SLX4: variants seen among roughly 807,000 people sequenced by gnomAD.
The protein encoded by SLX4 is structure-specific endonuclease subunit SLX4.
In SLX4, 112 loss-of-function variants were observed where a neutral mutation model predicts 146.2. The ratio of observed to expected loss-of-function variants is 0.77; its 90% CI spans 0.66 to 0.90. SLX4 has a LOEUF of 0.90. Among genes scored for constraint, SLX4 ranks in the 40% least tolerant of loss-of-function variants. The pLI is 0.00. For synonymous variants in SLX4, 1,061 were observed against 997.7 expected (o/e 1.06, Z -1.20); for missense variants, 2,563 against 2,392.7 (o/e 1.07, Z -1.49).
At position 3,597,242 on chromosome 16, in the gene SLX4, G is replaced by A. The variant is rs2040670980; in HGVS notation, c.1683+137C>T. 1.1e-6 allele frequency: 1 copy of A among 933,990 alleles called. No homozygotes were observed. Among genetic ancestry groups the A allele is most frequent in the Non-Finnish European group, 1.6e-6 (1 of 640,476 alleles). 57.9% of individuals were successfully genotyped at this position (933,990 alleles called of 1,614,324 possible). On this transcript the variant is annotated intron_variant, in intron 7 of 14. Coordinates refer to ENST00000294008, the MANE Select transcript of SLX4 (RefSeq NM_032444.4). The surrounding 1 kb of genome is among the most constrained non-coding windows in gnomAD (Gnocchi z 4.4). ...GAGAAGAAAGCTGCAGCCACCAAGT[G>A]CCCCTCTGGCCTCCTCCCGCCTCTG... is the stretch of plus-strand genomic sequence containing the variant.
intron 12 of SLX4, among the ~76,000 whole-genome samples, chr16:3,586,132 T>C (rs1256879424): frequency 6.6e-6 from 1 of 152,170 alleles, no homozygotes; most frequent in Non-Finnish European, 1.5e-5. Context: ...GACCCAGCAA[T>C]TCCACTCCTA....
intron 10 of SLX4, 21 bp downstream of exon 10, chr16:3,594,432 C>G: frequency 3.1e-6 from 5 of 1,606,086 alleles, no homozygotes; most frequent in Non-Finnish European, 4.2e-6. Context: ...AAGGAGGGCA[C>G]ACGGCAGCCC....
chr16:3,600,854 C>T, intron 5 of SLX4, 125 bp downstream of exon 5: 1 of 1,056,758 alleles, frequency 9.5e-7, no homozygotes, highest in Non-Finnish European at 1.4e-6. Flanking sequence ...CCTTGGCCTC[C>T]CAAAGTGCTG....
At position 3,601,117 on chromosome 16, in the gene SLX4, G is replaced by C. The variant is rs564092523; in HGVS notation, c.1025C>G (p.Pro342Arg). 3.1e-6 allele frequency: 5 copies of C among 1,613,978 alleles called. No individual in the cohort carries two copies. In the South Asian group the frequency reaches 5.5e-5, roughly 18 times the overall value. The change falls in exon 5 of 15, where the codon CCG becomes CGG. Residue 342 changes from proline to arginine, a missense_variant. Physicochemically the swap from Pro to Arg is moderately radical, Grantham distance 103. Transcript: ENST00000294008. ...QIPECPICGKPFLTLKSRTSH... is the reference protein window; with the variant it reads ...QIPECPICGKRFLTLKSRTSH... ...GGTTCTGCTCTTTAAGGTAAGAAAC[G>C]GTTTCCCACAAATCGGGCACTCAGG...
At position 3,589,271 on chromosome 16, in the gene SLX4, C is replaced by G. The variant is rs774858804; in HGVS notation, c.4367G>C (p.Arg1456Pro). ...GCTGTCGGCGGCCTCGTTCATCCTGCGGCTGGGGCTGCTGGTGCTCAGGGG... is the reference window on the plus strand; with the variant it reads ...GCTGTCGGCGGCCTCGTTCATCCTGGGGCTGGGGCTGCTGGTGCTCAGGGG... The part of the protein sequence containing the change: ...TGPLSTSSPS[R>P]RMNEAADSRD... Residue 1456 changes from arginine (R) to proline (P), a missense_variant, in exon 12 of 15, where the codon CGC becomes CCC. By Grantham distance (103) the Arg-to-Pro change is moderately radical (BLOSUM62 -2). Coordinates refer to ENST00000294008, the MANE Select transcript of SLX4 (RefSeq NM_032444.4). This position sits in a 1 kb window ranked among gnomAD's most constrained non-coding sequence, Gnocchi z 6.2. 1.3e-6 allele frequency: 2 copies of G among 1,598,392 alleles called. No individual in the cohort carries two copies. Among genetic ancestry groups the G allele is most frequent in the Non-Finnish European group, 1.7e-6 (2 of 1,170,720 alleles).
Position 3,596,518 on chromosome 16 carries a change from GACAGACTGTCCCC to G in SLX4, c.1684-138_1684-126del, listed in dbSNP as rs2040661594. ...TACAGAGCAGGATGTGGGCTGTGGG[GACAGACTGTCCCC>G]GGGGCTCCAGCCACAGCCTGGAGCA... On this transcript the variant is annotated intron_variant, in intron 7 of 14. Transcript: ENST00000294008. 4.1e-6 allele frequency: 5 copies of G among 1,216,658 alleles called. No individual in the cohort carries two copies. The South Asian group carries it at 7.8e-5, about 19-fold the overall frequency. 75.4% of individuals were successfully genotyped at this position (1,216,658 alleles called of 1,614,324 possible).
intron 8 of SLX4, 72 bp downstream of exon 8, chr16:3,596,081 G>A: frequency 6.6e-7 from 1 of 1,516,476 alleles, no homozygotes; most frequent in Non-Finnish European, 8.8e-7. Flanking sequence ...GCCAGTCCAT[G>A]GCAGCCTCAG....
chr16:3,587,478 C>T (rs935605955), intron 12 of SLX4, among the ~76,000 whole-genome samples: 1 of 152,160 alleles, frequency 6.6e-6, no homozygotes, highest in African/African-American at 2.4e-5. Flanking sequence ...CCTGGTGACA[C>T]ATTGGAAACA....
At chr16:3,603,179 G>C (rs1287344975) in intron 3 of SLX4, among the ~76,000 whole-genome samples, 1 of 152,126 alleles carries the variant, frequency 6.6e-6, no homozygotes, top group East Asian at 1.9e-4. Context: ...TCAGCCTCCT[G>C]AGTAGCTGGG....
At chr16:3,596,600 C>T (rs1328851681) in intron 7 of SLX4, among the ~76,000 whole-genome samples, 1 of 152,234 alleles carries the variant, frequency 6.6e-6, no homozygotes, top group Non-Finnish European at 1.5e-5. Context: ...ACATGCTCCT[C>T]CTCTGTCACG....
intron 12 of SLX4, among the ~76,000 whole-genome samples, chr16:3,587,975 C>CT (rs1430032869): frequency 6.6e-6 from 1 of 152,196 alleles, no homozygotes; most frequent in African/African-American, 2.4e-5. Flanking sequence ...GGCTCTGACT[C>CT]TCCCCGGGGA....
chr16:3,592,641 A>G, intron 11 of SLX4, 58 bp downstream of exon 11: 1 of 1,571,848 alleles, frequency 6.4e-7, no homozygotes. Flanking sequence ...AACCCTCCAG[A>G]GCTGTTAACC....
intron 10 of SLX4, among the ~76,000 whole-genome samples, chr16:3,593,950 G>C (rs58360168): frequency 0.063 from 9,618 of 152,132 alleles, 320 homozygotes; most frequent in Admixed American, 0.073. Flanking sequence ...CAGCTCATTG[G>C]AAGCTCCGCC....
At chr16:3,611,376 C>G (rs1269540889) in intron 1 of SLX4, among the ~76,000 whole-genome samples, 184 bp downstream of exon 1, 1 of 152,264 alleles carries the variant, frequency 6.6e-6, no homozygotes, top group Non-Finnish European at 1.5e-5. Context: ...GGCCCCGGCC[C>G]CTCTCCACCC....
intron 10 of SLX4, 44 bp downstream of exon 10, chr16:3,594,409 G>A: frequency 6.3e-7 from 1 of 1,588,642 alleles, no homozygotes; most frequent in Non-Finnish European, 8.6e-7. Flanking sequence ...GGAGGAGAGA[G>A]GGAGAGAGAG....
Position 3,597,923 on chromosome 16 carries a change from C to G in SLX4, c.1240G>C (p.Asp414His), listed in dbSNP as rs1340925672. Reference protein sequence around the residue: ...KKEPRKRRKVDEAPSEDLLVA... With the variant: ...KKEPRKRRKVHEAPSEDLLVA... ...AGCAGGTCCTCGGACGGTGCCTCGT[C>G]CACCTTCCGCCTCTTCCGTGGCTCC... The change falls in exon 6 of 15, where the codon GAC becomes CAC. Residue 414 changes from aspartate (D) to histidine (H), a missense_variant. Asp to His is a moderately conservative substitution (Grantham distance 81). Transcript: ENST00000294008. This position sits in a 1 kb window ranked among gnomAD's most constrained non-coding sequence, Gnocchi z 4.4. The G allele has an allele frequency of 1.2e-6, 2 of 1,614,166 alleles. No homozygotes were observed. Among genetic ancestry groups the G allele is most frequent in the Non-Finnish European group, 8.5e-7 (1 of 1,180,048 alleles).
At position 3,596,216 on chromosome 16, in the gene SLX4, C is replaced by T; in HGVS notation, c.1861G>A (p.Glu621Lys). ...ALQDLVDLAR[E>K]GLSASPWPGS... ...GGCCACGGGCTGGCGCTCAGTCCCT[C>T]CCTCGCCAGGTCCACGAGGTCCTGC... Residue 621 changes from glutamate (E) to lysine (K), a missense_variant, in exon 8 of 15, where the codon GAG becomes AAG. Glu to Lys is a moderately conservative substitution (Grantham distance 56). Coordinates refer to ENST00000294008, the MANE Select transcript of SLX4 (RefSeq NM_032444.4). The T allele has an allele frequency of 6.4e-7, 1 of 1,550,948 alleles. No individual in the cohort carries two copies. Among genetic ancestry groups the T allele is most frequent in the Non-Finnish European group, 8.7e-7 (1 of 1,149,490 alleles).
intron 12 of SLX4, among the ~76,000 whole-genome samples, chr16:3,586,531 C>G (rs935328354): frequency 2.0e-5 from 3 of 151,946 alleles, no homozygotes; most frequent in Non-Finnish European, 4.4e-5. Flanking sequence ...CAAAAACAGG[C>G]CAGGCACAGT....
Position 3,601,078 on chromosome 16 carries a change from T to A in SLX4, c.1064A>T (p.Gln355Leu). ...GCCAACCTCCATCTTCACAGCACAC[T>A]GCTTCAAGTGACTGGTTCTGCTCTT... is the stretch of plus-strand genomic sequence containing the variant. ...TLKSRTSHLK[Q>L]CAVKMEVGPQ... The change falls in exon 5 of 15, where the codon CAG becomes CTG. Residue 355 changes from glutamine to leucine, a missense_variant. Coordinates refer to ENST00000294008, the MANE Select transcript of SLX4 (RefSeq NM_032444.4). 6.2e-7 allele frequency: 1 copy of A among 1,614,136 alleles called. No homozygotes were observed. The highest frequency in any genetic ancestry group is 8.5e-7 in the Non-Finnish European group (1 of 1,180,020).
Sources: allele counts gnomAD v4.1 joint callset (sites outside exome capture counted in the v4.1 genomes callset), GRCh38; gene constraint gnomAD v4.1.1; non-coding constraint Gnocchi (gnomAD v3.1); transcripts MANE v1.5; gene names NCBI Gene and HGNC (gene_info 2026-07-23, HGNC 2026-07-21).